PLPPR1: variants seen among roughly 807,000 people sequenced by gnomAD.
PLPPR1 encodes phospholipid phosphatase-related protein type 1.
In PLPPR1, 10 loss-of-function variants were observed where a neutral mutation model predicts 33.1. The ratio of observed to expected loss-of-function variants is 0.30; its 90% CI spans 0.19 to 0.51. The LOEUF (loss-of-function observed/expected upper bound fraction) is 0.51. Among genes scored for constraint, PLPPR1 ranks in the 20% least tolerant of loss-of-function variants. PLPPR1 has a pLI of 0.97. For synonymous variants in PLPPR1, 151 were observed against 151.0 expected (o/e 1.00, Z 0.00); for missense variants, 304 against 408.1 (o/e 0.74, Z 2.20).
At position 101,161,025 on chromosome 9, in the gene PLPPR1, C is replaced by T. The variant is rs557398997; in HGVS notation, c.-45-24425C>T. The stretch of plus-strand genomic sequence containing the variant: ...TGTGCTTCAATGAATAGCATTAAAC[C>T]GCTTTGATTTTGATAATGTCATTTC... On this transcript the variant is annotated intron_variant, in intron 1 of 7. Coordinates refer to ENST00000374874, the MANE Select transcript of PLPPR1 (RefSeq NM_207299.2). 4.6e-5 allele frequency among the ~76,000 whole-genome samples: 7 copies of T among 152,172 alleles called. No homozygotes were observed. The East Asian group carries it at 1.2e-3, about 25-fold the overall frequency.
At chr9:101,284,362 A>G (rs1412983457) in intron 3 of PLPPR1, among the ~76,000 whole-genome samples, 3 of 152,174 alleles carry the variant, frequency 2.0e-5, no homozygotes, top group Non-Finnish European at 4.4e-5. Context: ...TGAAAGACAA[A>G]TACTGCATGA....
At chr9:101,162,944 A>G (rs1825788723) in intron 1 of PLPPR1, among the ~76,000 whole-genome samples, 1 of 152,112 alleles carries the variant, frequency 6.6e-6, no homozygotes, top group South Asian at 2.1e-4. Flanking sequence ...CTTCTCATAA[A>G]GCCCCACCGG....
chr9:101,161,433 AGT>A (rs1457170276), intron 1 of PLPPR1, among the ~76,000 whole-genome samples: 1 of 152,154 alleles, frequency 6.6e-6, no homozygotes, highest in Non-Finnish European at 1.5e-5. Flanking sequence ...CTTGTATTTT[AGT>A]GTGTGTCTCC....
chr9:101,180,091 CCT>C (rs1564167398), intron 1 of PLPPR1, among the ~76,000 whole-genome samples: 9 of 93,872 alleles, frequency 9.6e-5, no homozygotes, highest in South Asian at 4.3e-4. Flanking sequence ...AATAAACTCT[CCT>C]TTATATATAT....
intron 2 of PLPPR1, among the ~76,000 whole-genome samples, chr9:101,238,629 A>G (rs1052874457): frequency 6.6e-6 from 1 of 151,630 alleles, no homozygotes; most frequent in Admixed American, 6.6e-5. Context: ...GGAGACACTA[A>G]AAGGCGGAAA....
Position 101,324,566 on chromosome 9 carries a change from T to C in PLPPR1, c.*509T>C, listed in dbSNP as rs777292684. On this transcript the variant is annotated 3_prime_UTR_variant, in exon 8 of 8. Transcript: ENST00000374874. ...CTTCAAAAAGAATGTTGCACTCTGA[T>C]CTCTTAACAAATTGTTACGTTCAAA... is the stretch of plus-strand genomic sequence containing the variant. 2 of 152,760 alleles carry C rather than the reference T, an allele frequency of 1.3e-5. No individual in the cohort carries two copies. The highest frequency in any genetic ancestry group is 4.8e-5 in the African/African-American group (2 of 41,466). The allele number at this position is 152,760 out of a possible 1,614,324, so 9.5% of individuals were successfully genotyped here. A position where few individuals can be genotyped will look rare whatever the true frequency, so the allele number is the denominator to read the frequency against.
intron 1 of PLPPR1, among the ~76,000 whole-genome samples, chr9:101,166,091 T>C (rs1181409548): frequency 6.6e-6 from 1 of 152,200 alleles, no homozygotes; most frequent in Non-Finnish European, 1.5e-5. Context: ...TTCCAAACTT[T>C]ATAGCAAGAC....
intron 2 of PLPPR1, among the ~76,000 whole-genome samples, chr9:101,214,008 A>T (rs2118772109): frequency 6.6e-6 from 1 of 152,302 alleles, no homozygotes; most frequent in Non-Finnish European, 1.5e-5. Flanking sequence ...TACAGTTCTG[A>T]TCTCTGAAGA....
intron 2 of PLPPR1, among the ~76,000 whole-genome samples, chr9:101,247,449 A>G (rs925513262): frequency 6.6e-6 from 1 of 152,028 alleles, no homozygotes; most frequent in African/African-American, 2.4e-5. Flanking sequence ...GGGCCTCAAG[A>G]GAGATTTATG....
At chr9:101,280,800 C>T (rs1564025557) in intron 3 of PLPPR1, among the ~76,000 whole-genome samples, 1 of 152,052 alleles carries the variant, frequency 6.6e-6, no homozygotes, top group African/African-American at 2.4e-5. Flanking sequence ...ATAAAACAGA[C>T]CCACAGCTAG....
At chr9:101,232,389 A>G (rs543505272) in intron 2 of PLPPR1, among the ~76,000 whole-genome samples, 2 of 152,052 alleles carry the variant, frequency 1.3e-5, no homozygotes, top group Admixed American at 1.3e-4. Flanking sequence ...GCATCATGAC[A>G]TAAAAAGGCT....
At chr9:101,168,555 T>A (rs908329140) in intron 1 of PLPPR1, among the ~76,000 whole-genome samples, 2 of 152,298 alleles carry the variant, frequency 1.3e-5, no homozygotes, top group South Asian at 2.1e-4. Flanking sequence ...TAAAATAGAT[T>A]CTGCATTTCC....
chr9:101,141,632 G>T (rs937539487), intron 1 of PLPPR1, among the ~76,000 whole-genome samples: 2 of 152,128 alleles, frequency 1.3e-5, no homozygotes, highest in African/African-American at 4.8e-5. Context: ...ACAAGGCTTA[G>T]AAAAGAATCC....
chr9:101,245,697 A>C (rs1040685614), intron 2 of PLPPR1, among the ~76,000 whole-genome samples: 5 of 151,926 alleles, frequency 3.3e-5, no homozygotes, highest in African/African-American at 1.2e-4. Context: ...CTCTGGAACC[A>C]CAAAAAAGTT....
intron 1 of PLPPR1, among the ~76,000 whole-genome samples, chr9:101,063,048 C>T (rs1830365681): frequency 6.6e-6 from 1 of 151,874 alleles, no homozygotes; most frequent in South Asian, 2.1e-4. Context: ...GGGTGAGAAG[C>T]CTGACATAAA....
rs111577039 is a variant in PLPPR1 at position 101,219,910 on chromosome 9, G to A, written c.63+34353G>A. ...AGGGAATCCCTTTGTTTTGTCCCTTGGTGTTACCGTCTTATGTACTTGCTC... is the reference window on the plus strand; with the variant it reads ...AGGGAATCCCTTTGTTTTGTCCCTTAGTGTTACCGTCTTATGTACTTGCTC... On this transcript the variant is annotated intron_variant, in intron 2 of 7. Coordinates refer to ENST00000374874, the MANE Select transcript of PLPPR1 (RefSeq NM_207299.2). Among the ~76,000 whole-genome samples, 169 of 152,246 alleles carry A rather than the reference G, an allele frequency of 1.1e-3. 1 individual carries two copies. Among genetic ancestry groups the A allele is most frequent in the African/African-American group, 3.9e-3 (162 of 41,538 alleles).
rs1401101237 is a variant in PLPPR1 at position 101,147,995 on chromosome 9, A to T, written c.-45-37455A>T. 5.3e-5 allele frequency among the ~76,000 whole-genome samples: 8 copies of T among 152,242 alleles called. No homozygotes were observed. In the East Asian group the frequency reaches 1.6e-3, roughly 30 times the overall value. On this transcript the variant is annotated intron_variant, in intron 1 of 7. Coordinates refer to ENST00000374874, the MANE Select transcript of PLPPR1 (RefSeq NM_207299.2). The stretch of plus-strand genomic sequence containing the variant: ...TGAAGTCAAATTTGGATGCCCATTC[A>T]CTTGAGGGTGGATATTAGGAGAGGG...
At chr9:101,238,004 T>G (rs1315673083) in intron 2 of PLPPR1, among the ~76,000 whole-genome samples, 3 of 133,494 alleles carry the variant, frequency 2.2e-5, no homozygotes, top group Non-Finnish European at 4.8e-5. Context: ...TATATATATA[T>G]GCTTATTCTC....
intron 1 of PLPPR1, among the ~76,000 whole-genome samples, chr9:101,063,701 T>C (rs1015035460): frequency 1.3e-5 from 2 of 152,094 alleles, no homozygotes; most frequent in African/African-American, 4.8e-5. Flanking sequence ...CTGCTGCCCT[T>C]AACTTGTCTG....
Sources: gnomAD v4.1 joint callset for allele counts (sites outside exome capture counted in the v4.1 genomes callset) on GRCh38, gnomAD v4.1.1 for gene constraint, MANE v1.5 for transcripts, NCBI Gene and HGNC (gene_info 2026-07-23, HGNC 2026-07-21) for gene names.